EML6: variants seen among roughly 807,000 people sequenced by gnomAD.
EML6 encodes echinoderm microtubule-associated protein-like 6.
Under a neutral mutation model 240.1 loss-of-function variants are expected in EML6, and 154 were observed. The observed-to-expected ratio is 0.64, with a 90% CI of 0.56 to 0.73. The LOEUF is 0.73. EML6 is among the 30% of genes least tolerant of loss of function. The probability of loss-of-function intolerance (pLI) is 0.00; values close to 1 mark genes in which losing one functional copy is unlikely to be tolerated. For missense variants in EML6, 2,964 were observed against 2,474.6 expected (o/e 1.20, Z -4.20); for synonymous variants, 1,148 against 899.0 (o/e 1.28, Z -4.95).
intron 2 of EML6, among the ~76,000 whole-genome samples, chr2:54,799,149 C>G (rs1558558864): frequency 6.6e-6 from 1 of 152,334 alleles, no homozygotes; most frequent in South Asian, 2.1e-4. Context: ...CAACCTCTGC[C>G]TCCTGAATTC....
chr2:54,926,543 G>T (rs774239913), intron 26 of EML6, among the ~76,000 whole-genome samples: 6 of 152,246 alleles, frequency 3.9e-5, no homozygotes, highest in Non-Finnish European at 8.8e-5. Context: ...CAATGGCTGT[G>T]CCAGGTCTTG....
At chr2:54,819,842 C>A (rs1300027813) in intron 4 of EML6, among the ~76,000 whole-genome samples, 1 of 148,384 alleles carries the variant, frequency 6.7e-6, no homozygotes, top group Non-Finnish European at 1.5e-5. Context: ...ATTGAAAATA[C>A]AATAGTATGT....
At chr2:54,875,896 C>T (rs1230837580) in intron 16 of EML6, among the ~76,000 whole-genome samples, 1 of 152,140 alleles carries the variant, frequency 6.6e-6, no homozygotes, top group Non-Finnish European at 1.5e-5. Context: ...TTTTTAAAAG[C>T]TTCGTAGAAT....
At chr2:54,855,196 G>C (rs1321921071) in intron 11 of EML6, among the ~76,000 whole-genome samples, 1 of 152,154 alleles carries the variant, frequency 6.6e-6, no homozygotes, top group Non-Finnish European at 1.5e-5. Context: ...GGTTTTGTAG[G>C]CTACACAGGA....
chr2:54,925,045 C>T (rs1024851450), intron 26 of EML6, among the ~76,000 whole-genome samples: 2 of 152,116 alleles, frequency 1.3e-5, no homozygotes, highest in Non-Finnish European at 2.9e-5. Context: ...GTGTTAAAGC[C>T]CTAACTCCCA....
Position 54,957,810 on chromosome 2 carries a change from G to A in EML6, c.4507G>A (p.Gly1503Arg), listed in dbSNP as rs1001239291. Reference sequence around the variant, plus strand: ...CACAGGTGCCAAGGTTGCCAGCCGAGGGGGTCACCTGGAGCGCATATTTGT... The same window carrying A: ...CACAGGTGCCAAGGTTGCCAGCCGAAGGGGTCACCTGGAGCGCATATTTGT... ...WQEGAKVASRGGHLERIFVVE... is the reference protein window; with the variant it reads ...WQEGAKVASRRGHLERIFVVE... The change falls in exon 33 of 42, where the codon GGG (glycine) becomes AGG (arginine). Residue 1503 changes from glycine (G) to arginine (R), a missense_variant. Transcript: ENST00000356458. The A allele has an allele frequency of 1.3e-6, 2 of 1,549,872 alleles. No individual in the cohort carries two copies. The highest frequency in any genetic ancestry group is 1.4e-5 in the African/African-American group (1 of 73,008).
Position 54,902,960 on chromosome 2 carries a change from T to G in EML6, c.3125-84T>G, listed in dbSNP as rs1673137680. On this transcript the variant is annotated intron_variant, in intron 22 of 41. Transcript: ENST00000356458. ...GTCACGTGTCCATACATAATGCACA[T>G]CATCAGATTTCTTCATCTTTTCATG... is the stretch of plus-strand genomic sequence containing the variant. 1.3e-5 allele frequency: 16 copies of G among 1,274,280 alleles called. No homozygotes were observed. In the East Asian group the frequency reaches 4.1e-4, roughly 32 times the overall value. The allele number at this position is 1,274,280 out of a possible 1,614,324, so 78.9% of individuals were successfully genotyped here.
chr2:54,905,949 C>T (rs1398951614), intron 24 of EML6, among the ~76,000 whole-genome samples: 1 of 152,134 alleles, frequency 6.6e-6, no homozygotes. Context: ...TGTGTGGCTG[C>T]CACATTTCAG....
chr2:54,882,815 GGCACT>G (rs1671894250), intron 17 of EML6: 1 of 118,048 alleles, frequency 8.5e-6, no homozygotes, highest in African/African-American at 3.1e-5. Flanking sequence ...CCGAGATCAC[GGCACT>G]GCACTCCAGC....
chr2:54,910,585 T>C (rs1262921371), intron 24 of EML6, among the ~76,000 whole-genome samples: 1 of 152,242 alleles, frequency 6.6e-6, no homozygotes, highest in South Asian at 2.1e-4. Flanking sequence ...AATGACATAA[T>C]TCTTGCCAAC....
At chr2:54,795,085 G>T (rs1043994757) in intron 2 of EML6, among the ~76,000 whole-genome samples, 3 of 152,120 alleles carry the variant, frequency 2.0e-5, no homozygotes, top group African/African-American at 7.2e-5. Context: ...GATTGGTTTT[G>T]CTTTAACTTG....
rs1361601477 is a variant in EML6, at chr2:54,737,703, T to C, written c.197+12445T>C. 2.6e-5 allele frequency among the ~76,000 whole-genome samples: 4 copies of C among 152,214 alleles called. No homozygotes were observed. In the East Asian group the frequency reaches 7.7e-4, roughly 29 times the overall value. ...AAACACAGCAGCCAGAGTTATCTGGTTACAATAAGTAATTGCAGTCTTTGC... is the reference window on the plus strand; with the variant it reads ...AAACACAGCAGCCAGAGTTATCTGGCTACAATAAGTAATTGCAGTCTTTGC... On this transcript the variant is annotated intron_variant, in intron 2 of 41. Transcript: ENST00000356458.
chr2:54,806,490 G>A (rs1169213205), intron 2 of EML6, among the ~76,000 whole-genome samples: 1 of 151,796 alleles, frequency 6.6e-6, no homozygotes, highest in Non-Finnish European at 1.5e-5. Context: ...GCACGTGCCT[G>A]TAATCCCAAC....
intron 24 of EML6, 69 bp downstream of exon 24, chr2:54,903,571 T>C (rs1380732917): frequency 1.2e-5 from 17 of 1,397,266 alleles, no homozygotes; most frequent in African/African-American, 2.9e-5. Context: ...GCATTGTTTC[T>C]AGAGAGAATG....
At chr2:54,934,515 T>C (rs1184179758) in intron 28 of EML6, among the ~76,000 whole-genome samples, 2 of 152,108 alleles carry the variant, frequency 1.3e-5, no homozygotes, top group Non-Finnish European at 2.9e-5. Context: ...TTTGGAGTTA[T>C]ATAGTATCAA....
intron 32 of EML6, among the ~76,000 whole-genome samples, chr2:54,955,774 C>T (rs1676203308): frequency 6.6e-6 from 1 of 152,192 alleles, no homozygotes; most frequent in South Asian, 2.1e-4. Context: ...GAGGAGCCTG[C>T]TCTTGTTTGT....
intron 21 of EML6, among the ~76,000 whole-genome samples, chr2:54,897,158 T>C (rs1264798409): frequency 2.6e-5 from 4 of 152,256 alleles, no homozygotes; most frequent in Admixed American, 2.0e-4. Flanking sequence ...TTGCTAGATA[T>C]TTTAGAAGAT....
In EML6 at chr2:54,919,252, C is replaced by G. The variant is rs992258955; in HGVS notation, c.3675+2317C>G. 2.0e-4 allele frequency among the ~76,000 whole-genome samples: 29 copies of G among 146,480 alleles called. 1 individual carries two copies. The highest frequency in any genetic ancestry group is 9.3e-4 in the South Asian group (4 of 4,308). On this transcript the variant is annotated intron_variant, in intron 26 of 41. Transcript: ENST00000356458. ...TTCCTCTATTTTGCTTCCCCCCCCC[C>G]CCAATCCTTTTCAAAAGTCTTATTT...
intron 11 of EML6, among the ~76,000 whole-genome samples, chr2:54,855,118 C>T (rs1478945040): frequency 1.3e-5 from 2 of 152,172 alleles, no homozygotes. Context: ...TTAGTCTATT[C>T]TTACATTGCT....
Sources: allele counts gnomAD v4.1 joint callset (sites outside exome capture counted in the v4.1 genomes callset), GRCh38; gene constraint gnomAD v4.1.1; transcripts MANE v1.5; gene names NCBI Gene and HGNC (gene_info 2026-07-23, HGNC 2026-07-21).